Variants in ANKS1A observed in about 807,000 individuals in gnomAD.
The protein encoded by ANKS1A is ankyrin repeat and SAM domain-containing protein 1A.
Under a neutral mutation model 120.3 loss-of-function variants are expected in ANKS1A, and 55 were observed. The ratio of observed to expected loss-of-function variants is 0.46; its 90% CI spans 0.37 to 0.57. ANKS1A has a LOEUF of 0.57. Ranked by LOEUF, ANKS1A falls within the 20% of genes least tolerant of loss-of-function variation. The probability of loss-of-function intolerance (pLI) is 0.00; values close to 1 mark genes in which losing one functional copy is unlikely to be tolerated. For synonymous variants in ANKS1A, 590 were observed against 604.7 expected (o/e 0.98, Z 0.36); for missense variants, 1,123 against 1,480.3 (o/e 0.76, Z 3.96).
chr6:34,911,752 G>A (rs889466162), intron 1 of ANKS1A, among the ~76,000 whole-genome samples: 2 of 152,130 alleles, frequency 1.3e-5, no homozygotes, highest in Non-Finnish European at 2.9e-5. Flanking sequence ...GCCAACTCCC[G>A]ATTTCCTGTT....
At chr6:34,931,257 C>T (rs1768968482) in intron 1 of ANKS1A, among the ~76,000 whole-genome samples, 1 of 152,050 alleles carries the variant, frequency 6.6e-6, no homozygotes, top group African/African-American at 2.4e-5. Context: ...AGCGATTCTC[C>T]TGCCTCAGCC....
rs1313218670 is a variant in ANKS1A at position 35,050,519 on chromosome 6, T to TA, written c.2011-3578dup. 3.9e-5 allele frequency among the ~76,000 whole-genome samples: 6 copies of TA among 152,250 alleles called. No homozygotes were observed. The highest frequency in any genetic ancestry group is 1.3e-4 in the Admixed American group (2 of 15,284). On this transcript the variant is annotated intron_variant, in intron 11 of 23. Coordinates refer to ENST00000360359, the MANE Select transcript of ANKS1A (RefSeq NM_015245.3). This position sits in a 1 kb window ranked among gnomAD's most constrained non-coding sequence, Gnocchi z 4.3. ...AAAGCTGCCTGTTCAGATTTTTTTT[T>TA]AACTTAAAGCTAGGAGGTTAAACTG...
At chr6:34,935,067 T>C (rs1316661228) in intron 1 of ANKS1A, among the ~76,000 whole-genome samples, 2 of 152,240 alleles carry the variant, frequency 1.3e-5, no homozygotes, top group African/African-American at 4.8e-5. Context: ...GTTTTCATTC[T>C]TCTGGACAGT....
rs1019283570 is a variant in ANKS1A at position 35,090,777 on chromosome 6, G to A, written c.*2168G>A. 6 of 985,876 alleles carry A rather than the reference G, an allele frequency of 6.1e-6. No individual in the cohort carries two copies. The highest frequency in any genetic ancestry group is 1.7e-5 in the African/African-American group (1 of 57,220). The allele number at this position is 985,876 out of a possible 1,614,324, so 61.1% of individuals were successfully genotyped here. A position where few individuals can be genotyped will look rare whatever the true frequency, so the allele number is the denominator to read the frequency against. On this transcript the variant is annotated 3_prime_UTR_variant, in exon 24 of 24. Coordinates refer to ENST00000360359, the MANE Select transcript of ANKS1A (RefSeq NM_015245.3). ...CACCAGGGGCAGACCCTGTCGCTGC[G>A]TTTCTGAACTGTGAAGGAGCCCATT...
Position 35,017,596 on chromosome 6 carries a change from C to T in ANKS1A, c.1547C>T (p.Pro516Leu). The T allele has an allele frequency of 5.6e-6, 9 of 1,613,998 alleles. No individual in the cohort carries two copies. The highest frequency in any genetic ancestry group is 7.6e-6 in the Non-Finnish European group (9 of 1,179,944). The stretch of plus-strand genomic sequence containing the variant: ...CCGGTGTGCGAGGTGGGGCAGGACC[C>T]TTTCCAGCTGCTCTGTACCGCTGGC... ...SSPVCEVGQD[P>L]FQLLCTAGQS... Residue 516 changes from proline to leucine, a missense_variant, in exon 11 of 24, where the codon CCT becomes CTT. Around this residue, in one of 3 missense-constraint regions of ANKS1A, gnomAD observed 904 missense variants for 1,130.4 expected, o/e 0.80. Coordinates refer to ENST00000360359, the MANE Select transcript of ANKS1A (RefSeq NM_015245.3).
At chr6:34,898,808 A>G (rs1025857582) in intron 1 of ANKS1A, among the ~76,000 whole-genome samples, 3 of 151,998 alleles carry the variant, frequency 2.0e-5, no homozygotes, top group Non-Finnish European at 4.4e-5. Context: ...ACACTTTCCT[A>G]TATTTTCTGT....
intron 10 of ANKS1A, among the ~76,000 whole-genome samples, chr6:35,010,385 C>T (rs1226966758): frequency 6.6e-6 from 1 of 152,186 alleles, no homozygotes; most frequent in Non-Finnish European, 1.5e-5. Flanking sequence ...CCCTTTCTGC[C>T]ATCTCATGGT....
intron 1 of ANKS1A, among the ~76,000 whole-genome samples, chr6:34,924,088 T>G (rs1296755384): frequency 7.5e-6 from 1 of 132,524 alleles, no homozygotes; most frequent in African/African-American, 3.2e-5. Flanking sequence ...AGGGGGCTTT[T>G]TCGTGTGTGT....
chr6:35,034,271 G>A (rs2820233), intron 11 of ANKS1A, among the ~76,000 whole-genome samples: 56,704 of 152,094 alleles, frequency 0.37, 13,366 homozygotes, highest in Non-Finnish European at 0.5. Context: ...TGACATCACC[G>A]TAAGTGTTTT....
chr6:34,915,851 A>G (rs1226514245), intron 1 of ANKS1A, among the ~76,000 whole-genome samples: 1 of 152,090 alleles, frequency 6.6e-6, no homozygotes, highest in East Asian at 1.9e-4. Context: ...GTTCACTCCT[A>G]GTTTAAGGCA....
At chr6:35,053,631 T>C (rs1776068428) in intron 11 of ANKS1A, among the ~76,000 whole-genome samples, 2 of 152,214 alleles carry the variant, frequency 1.3e-5, no homozygotes, top group Non-Finnish European at 2.9e-5. Flanking sequence ...CAGTTATCTG[T>C]TGAATGCTTA....
chr6:35,063,958 G>T (rs920550566), intron 13 of ANKS1A, among the ~76,000 whole-genome samples: 2 of 152,234 alleles, frequency 1.3e-5, no homozygotes, highest in African/African-American at 4.8e-5. Context: ...TCGTAGAGAT[G>T]GTGGGACTTG....
intron 23 of ANKS1A, among the ~76,000 whole-genome samples, chr6:35,088,070 C>T (rs1220621538): frequency 1.3e-5 from 2 of 152,252 alleles, no homozygotes; most frequent in East Asian, 3.8e-4. Flanking sequence ...CTCCATTGTC[C>T]TCTGGGAGCT....
intron 1 of ANKS1A, among the ~76,000 whole-genome samples, chr6:34,909,656 T>G (rs528025329): frequency 2.6e-5 from 4 of 152,320 alleles, no homozygotes; most frequent in African/African-American, 9.6e-5. Flanking sequence ...ATCCCAGCTT[T>G]GTGATCTTCT....
chr6:34,967,072 A>C (rs529100032), intron 1 of ANKS1A, among the ~76,000 whole-genome samples, 167 bp from the exon 2 acceptor site: 1 of 152,294 alleles, frequency 6.6e-6, no homozygotes, highest in Admixed American at 6.5e-5. Flanking sequence ...AGTGCTATGC[A>C]TCTCTGCAGT....
chr6:34,930,939 A>G (rs540965389), intron 1 of ANKS1A, among the ~76,000 whole-genome samples: 2 of 151,058 alleles, frequency 1.3e-5, no homozygotes, highest in South Asian at 4.2e-4. Context: ...GCGCAATGCA[A>G]GATCTCAGCT....
At position 34,889,811 on chromosome 6, in the gene ANKS1A, C is replaced by G. The variant is rs374821119; in HGVS notation, c.197+212C>G. Among the ~76,000 whole-genome samples, 1 of 152,260 alleles carries G rather than the reference C, an allele frequency of 6.6e-6. No individual in the cohort carries two copies. Among genetic ancestry groups the G allele is most frequent in the East Asian group, 1.9e-4 (1 of 5,170 alleles). The stretch of plus-strand genomic sequence containing the variant: ...GGGCTCGCCTGGTCTCCCGTTCTGA[C>G]CCGGCTGCGAAGAATGGTGGGAGTG... On this transcript the variant is annotated intron_variant, in intron 1 of 23. Coordinates refer to ENST00000360359, the MANE Select transcript of ANKS1A (RefSeq NM_015245.3). This position sits in a 1 kb window ranked among gnomAD's most constrained non-coding sequence, Gnocchi z 5.5.
chr6:34,945,704 G>C (rs945872332), intron 1 of ANKS1A, among the ~76,000 whole-genome samples: 1 of 152,156 alleles, frequency 6.6e-6, no homozygotes, highest in Admixed American at 6.5e-5. Flanking sequence ...TGTGGCAACT[G>C]TGCACTGATT....
intron 10 of ANKS1A, among the ~76,000 whole-genome samples, chr6:35,002,605 A>G (rs1001815373): frequency 1.3e-5 from 2 of 152,116 alleles, no homozygotes; most frequent in African/African-American, 4.8e-5. Flanking sequence ...TATCCAAGGT[A>G]TGTAGCCCAG....
Sources: gnomAD v4.1 joint callset for allele counts (sites outside exome capture counted in the v4.1 genomes callset) on GRCh38, gnomAD v4.1.1 for gene constraint, gnomAD v4.1.1 regional missense constraint, Gnocchi (gnomAD v3.1) non-coding constraint, MANE v1.5 for transcripts, NCBI Gene and HGNC (gene_info 2026-07-23, HGNC 2026-07-21) for gene names.